KIRREL3: variants seen among roughly 807,000 people sequenced by gnomAD.
KIRREL3 encodes the protein kirre like nephrin family adhesion molecule 3.
In KIRREL3, 36 loss-of-function variants were observed where a neutral mutation model predicts 89.7. The ratio of observed to expected loss-of-function variants is 0.40; its 90% CI spans 0.31 to 0.53. The LOEUF is 0.53. KIRREL3 is among the 20% of genes least tolerant of loss of function. The pLI, the probability that KIRREL3 is intolerant of heterozygous loss-of-function variation, is 0.49. For missense variants in KIRREL3, 864 were observed against 1,056.6 expected (o/e 0.82, Z 2.53); for synonymous variants, 445 against 441.4 (o/e 1.01, Z -0.10).
intron 1 of KIRREL3, among the ~76,000 whole-genome samples, chr11:126,849,155 G>A (rs1305593214): frequency 6.6e-6 from 1 of 152,168 alleles, no homozygotes; most frequent in African/African-American, 2.4e-5. Flanking sequence ...TGTTAAAGAA[G>A]CCAGCCAAAA....
chr11:126,749,393 G>T (rs1039490988), intron 1 of KIRREL3, among the ~76,000 whole-genome samples: 1 of 152,058 alleles, frequency 6.6e-6, no homozygotes, highest in African/African-American at 2.4e-5. Flanking sequence ...TCCGACTTGC[G>T]TGGTTCAAGT....
At position 126,424,536 on chromosome 11, in the gene KIRREL3, C is replaced by T. The variant is rs374647716; in HGVS notation, c.*44G>A. On this transcript the variant is annotated 3_prime_UTR_variant, in exon 17 of 17. Coordinates refer to ENST00000525144, the MANE Select transcript of KIRREL3 (RefSeq NM_032531.4). ...TCGTCCCTGGACAACCAGAACGTGC[C>T]CTGACCTCTTCCCTGGCCCGTCCCC... 151 of 1,593,444 alleles carry T rather than the reference C, an allele frequency of 9.5e-5. No individual in the cohort carries two copies. Among genetic ancestry groups the T allele is most frequent in the Middle Eastern group, 2.2e-4 (1 of 4,626 alleles).
At position 126,656,406 on chromosome 11, in the gene KIRREL3, A is replaced by T. The variant is rs903962761; in HGVS notation, c.56-93494T>A. Among the ~76,000 whole-genome samples the T allele has an allele frequency of 6.6e-6, 1 of 152,230 alleles. No individual in the cohort carries two copies. The highest frequency in any genetic ancestry group is 2.4e-5 in the African/African-American group (1 of 41,458). Reference sequence around the variant, plus strand: ...TATGTTTTGGCAAGAAAATAGAATAATATTATTATTGGAGTCTCTGGAAAA... The same window carrying T: ...TATGTTTTGGCAAGAAAATAGAATATTATTATTATTGGAGTCTCTGGAAAA... On this transcript the variant is annotated intron_variant, in intron 1 of 16. Transcript: ENST00000525144. This position sits in a 1 kb window ranked among gnomAD's most constrained non-coding sequence, Gnocchi z 4.0.
rs1312557326 is a variant in KIRREL3 at position 126,903,825 on chromosome 11, A to G, written c.55+96630T>C. 1.3e-5 allele frequency among the ~76,000 whole-genome samples: 2 copies of G among 152,228 alleles called. No individual in the cohort carries two copies. Among genetic ancestry groups the G allele is most frequent in the East Asian group, 3.8e-4 (2 of 5,204 alleles). Reference sequence around the variant, plus strand: ...ACGGTCCTAAATCAAAGGCAATTTAATATATTAGAAGTTCTATTGCTACCC... The same window carrying G: ...ACGGTCCTAAATCAAAGGCAATTTAGTATATTAGAAGTTCTATTGCTACCC... On this transcript the variant is annotated intron_variant, in intron 1 of 16. Coordinates refer to ENST00000525144, the MANE Select transcript of KIRREL3 (RefSeq NM_032531.4). The surrounding 1 kb of genome is among the most constrained non-coding windows in gnomAD (Gnocchi z 4.5).
At chr11:126,675,794 C>G (rs1946161611) in intron 1 of KIRREL3, among the ~76,000 whole-genome samples, 1 of 152,098 alleles carries the variant, frequency 6.6e-6, no homozygotes, top group Non-Finnish European at 1.5e-5. Context: ...TCATTTGAAG[C>G]AGGGAAATGA....
At chr11:126,822,090 C>CA in intron 1 of KIRREL3, among the ~76,000 whole-genome samples, 1 of 152,190 alleles carries the variant, frequency 6.6e-6, no homozygotes, top group Non-Finnish European at 1.5e-5. Context: ...TGACATATTA[C>CA]AATGCTTTCT....
intron 1 of KIRREL3, among the ~76,000 whole-genome samples, chr11:126,961,532 T>C (rs1468449080): frequency 6.6e-6 from 1 of 152,206 alleles, no homozygotes; most frequent in Non-Finnish European, 1.5e-5. Context: ...ATGAGGAAGT[T>C]GCAGAAGAAA....
intron 10 of KIRREL3, among the ~76,000 whole-genome samples, chr11:126,444,218 C>T (rs10790804): frequency 0.86 from 130,160 of 152,198 alleles, 56,218 homozygotes; most frequent in African/African-American, 0.96. Context: ...TAAGACATGC[C>T]CCCTGCCCTC....
intron 4 of KIRREL3, among the ~76,000 whole-genome samples, chr11:126,502,980 T>C (rs1122711): frequency 0.04 from 6,158 of 152,240 alleles, 451 homozygotes; most frequent in African/African-American, 0.14. Flanking sequence ...TTCTCCCTCA[T>C]TGGGTGTCAC....
At chr11:126,865,287 C>G (rs553921702) in intron 1 of KIRREL3, among the ~76,000 whole-genome samples, 1 of 152,340 alleles carries the variant, frequency 6.6e-6, no homozygotes, top group Non-Finnish European at 1.5e-5. Flanking sequence ...CCAAGCTCAC[C>G]CTCCCTGCAG....
chr11:126,444,722 C>G (rs1047621025), intron 10 of KIRREL3, among the ~76,000 whole-genome samples: 1 of 152,188 alleles, frequency 6.6e-6, no homozygotes, highest in Non-Finnish European at 1.5e-5. Context: ...TCATCACCCA[C>G]CACTCTCAGG....
chr11:126,678,599 C>CA (rs59342253), intron 1 of KIRREL3, among the ~76,000 whole-genome samples: 665 of 50,028 alleles, frequency 0.013, 166 homozygotes, highest in Admixed American at 0.037. Context: ...GACTCTGTCT[C>CA]AAAAAAAAAA....
At chr11:126,864,963 A>T (rs1195716230) in intron 1 of KIRREL3, among the ~76,000 whole-genome samples, 2 of 152,070 alleles carry the variant, frequency 1.3e-5, no homozygotes, top group Non-Finnish European at 2.9e-5. Context: ...TCATGATTCC[A>T]TGGCCGGATC....
At chr11:126,854,123 T>C (rs1592227349) in intron 1 of KIRREL3, among the ~76,000 whole-genome samples, 1 of 137,068 alleles carries the variant, frequency 7.3e-6, no homozygotes, top group East Asian at 2.2e-4. Context: ...AGTAATAAGT[T>C]TCTTGTGTGT....
chr11:126,437,332 T>C (rs560779570), intron 11 of KIRREL3, among the ~76,000 whole-genome samples: 1 of 152,230 alleles, frequency 6.6e-6, no homozygotes, highest in East Asian at 1.9e-4. Flanking sequence ...AACACGTTTA[T>C]ATACATACTA....
rs574852823 is a variant in KIRREL3, at chr11:126,555,673, G to C, written c.133+7162C>G. Among the ~76,000 whole-genome samples, 1 of 152,222 alleles carries C rather than the reference G, an allele frequency of 6.6e-6. No individual in the cohort carries two copies. The highest frequency in any genetic ancestry group is 2.1e-4 in the South Asian group (1 of 4,820). ...ACTGGAGCGCAGGGTGTTTAAGGGG[G>C]TAGGATGAAGTCAGAGGTAGGTAGG... On this transcript the variant is annotated intron_variant, in intron 2 of 16. Coordinates refer to ENST00000525144, the MANE Select transcript of KIRREL3 (RefSeq NM_032531.4). This position sits in a 1 kb window ranked among gnomAD's most constrained non-coding sequence, Gnocchi z 4.2.
intron 1 of KIRREL3, among the ~76,000 whole-genome samples, chr11:126,767,757 G>T (rs115359562): frequency 1.2e-3 from 190 of 152,256 alleles, no homozygotes; most frequent in African/African-American, 4.4e-3. Context: ...GGCTGAAAGG[G>T]GAAACTTGCC....
rs1316400417 is a variant in KIRREL3 at position 126,622,298 on chromosome 11, TG to T, written c.56-59387del. ...CAAGGTGCCTTCTAAATGTTAAAAATGGTGACACATTTTATCTCAAGTTGAA... is the reference window on the plus strand; with the variant it reads ...CAAGGTGCCTTCTAAATGTTAAAAATGTGACACATTTTATCTCAAGTTGAA... On this transcript the variant is annotated intron_variant, in intron 1 of 16. Coordinates refer to ENST00000525144, the MANE Select transcript of KIRREL3 (RefSeq NM_032531.4). The surrounding 1 kb of genome is among the most constrained non-coding windows in gnomAD (Gnocchi z 5.2). Among the ~76,000 whole-genome samples the T allele has an allele frequency of 6.6e-6, 1 of 152,234 alleles. No homozygotes were observed. The highest frequency in any genetic ancestry group is 1.5e-5 in the Non-Finnish European group (1 of 68,034).
intron 1 of KIRREL3, among the ~76,000 whole-genome samples, chr11:126,792,569 G>A (rs902034708): frequency 2.6e-5 from 4 of 152,152 alleles, no homozygotes; most frequent in South Asian, 4.2e-4. Flanking sequence ...TATTGCCTCC[G>A]TCAGAAAACA....
Sources: gnomAD v4.1 joint callset for allele counts (sites outside exome capture counted in the v4.1 genomes callset) on GRCh38, gnomAD v4.1.1 for gene constraint, Gnocchi (gnomAD v3.1) non-coding constraint, MANE v1.5 for transcripts, NCBI Gene and HGNC (gene_info 2026-07-23, HGNC 2026-07-21) for gene names.